Variants in TAOK3 observed in about 807,000 individuals in gnomAD.
TAOK3 encodes TAO kinase 3, also known as serine/threonine-protein kinase TAO3.
TAOK3 carries 40 observed loss-of-function variants against 120.4 expected under a neutral mutation model. The ratio of observed to expected loss-of-function variants is 0.33; its 90% CI spans 0.26 to 0.43. TAOK3 has a LOEUF of 0.43. Ranked by LOEUF, TAOK3 falls within the 20% of genes least tolerant of loss-of-function variation. TAOK3 has a pLI of 1.00. For synonymous variants in TAOK3, 355 were observed against 387.5 expected (o/e 0.92, Z 0.99); for missense variants, 821 against 1,112.1 (o/e 0.74, Z 3.72).
At chr12:118,315,140 A>T (rs2043406959) in intron 1 of TAOK3, among the ~76,000 whole-genome samples, 1 of 152,114 alleles carries the variant, frequency 6.6e-6, no homozygotes, top group African/African-American at 2.4e-5. Context: ...CATGTTGGTC[A>T]TGGTGAACTC....
chr12:118,230,489 T>TG (rs1354502826), intron 9 of TAOK3, among the ~76,000 whole-genome samples: 6 of 123,110 alleles, frequency 4.9e-5, no homozygotes, highest in African/African-American at 2.1e-4. Flanking sequence ...TTTTTTTTTT[T>TG]GAGACAGAGT....
chr12:118,239,359 G>A (rs2040146598), intron 5 of TAOK3, 87 bp from the exon 6 acceptor site: 2 of 725,904 alleles, frequency 2.8e-6, no homozygotes, highest in Admixed American at 2.6e-5. Flanking sequence ...AAGGAACTAA[G>A]AATACTAGGT....
chr12:118,203,217 T>A (rs1327253138), intron 11 of TAOK3, among the ~76,000 whole-genome samples: 1 of 152,116 alleles, frequency 6.6e-6, no homozygotes, highest in Non-Finnish European at 1.5e-5. Flanking sequence ...GTTGTTCAAT[T>A]TATCCAGAGG....
intron 9 of TAOK3, among the ~76,000 whole-genome samples, chr12:118,230,711 C>T (rs934751167): frequency 1.8e-4 from 28 of 152,024 alleles, no homozygotes; most frequent in Non-Finnish European, 3.4e-4. Context: ...CCTCGTGATC[C>T]GCCCGCCTCG....
At chr12:118,254,305 A>ACCAT (rs374028494) in intron 3 of TAOK3, among the ~76,000 whole-genome samples, 247 of 151,804 alleles carry the variant, frequency 1.6e-3, no homozygotes, top group East Asian at 9.9e-3. Context: ...CTGTCTATCC[A>ACCAT]CCATCCATCC....
At chr12:118,315,655 T>C (rs1302144959) in intron 1 of TAOK3, among the ~76,000 whole-genome samples, 2 of 152,188 alleles carry the variant, frequency 1.3e-5, no homozygotes, top group Non-Finnish European at 2.9e-5. Context: ...TTGGTTATAT[T>C]CTGCAAGTTT....
chr12:118,277,761 A>AC (rs2041954933), intron 1 of TAOK3, among the ~76,000 whole-genome samples: 1 of 151,962 alleles, frequency 6.6e-6, no homozygotes, highest in Non-Finnish European at 1.5e-5. Context: ...GCCTGGGCCC[A>AC]CCATGTATTT....
At chr12:118,219,259 G>T (rs753654760) in intron 9 of TAOK3, among the ~76,000 whole-genome samples, 2 of 151,952 alleles carry the variant, frequency 1.3e-5, no homozygotes, top group Non-Finnish European at 2.9e-5. Flanking sequence ...ATCTTTTTGT[G>T]TATGTGTGTG....
chr12:118,292,247 T>C (rs1013497979), intron 1 of TAOK3, among the ~76,000 whole-genome samples: 1 of 152,212 alleles, frequency 6.6e-6, no homozygotes. Context: ...ATCACTTACA[T>C]TGATTTATAG....
intron 12 of TAOK3, chr12:118,200,617 T>C (rs2037973238): frequency 6.6e-6 from 1 of 152,206 alleles, no homozygotes; most frequent in Admixed American, 6.5e-5. Context: ...TCTATCTGTA[T>C]ACTGGCAAGA....
chr12:118,252,901 A>G (rs1240093732), intron 3 of TAOK3, among the ~76,000 whole-genome samples: 1 of 151,512 alleles, frequency 6.6e-6, no homozygotes, highest in South Asian at 2.1e-4. Context: ...AAGTTTTTCT[A>G]TTTTTCAGTA....
chr12:118,238,822 A>G (rs1297209814), intron 6 of TAOK3, among the ~76,000 whole-genome samples: 1 of 151,900 alleles, frequency 6.6e-6, no homozygotes, highest in Admixed American at 6.6e-5. Context: ...TTTAAAGTAA[A>G]TTTTTAACAC....
At chr12:118,300,209 T>C (rs1229244381) in intron 1 of TAOK3, among the ~76,000 whole-genome samples, 1 of 152,146 alleles carries the variant, frequency 6.6e-6, no homozygotes, top group Non-Finnish European at 1.5e-5. Context: ...TACTCACGTG[T>C]TCATCTGAAA....
intron 14 of TAOK3, among the ~76,000 whole-genome samples, chr12:118,188,652 G>A (rs2037222833): frequency 6.6e-6 from 1 of 152,048 alleles, no homozygotes; most frequent in South Asian, 2.1e-4. Flanking sequence ...AAAGATAATC[G>A]AAGCCTTTAA....
chr12:118,243,832 A>G (rs2040359616), intron 4 of TAOK3, among the ~76,000 whole-genome samples: 1 of 152,020 alleles, frequency 6.6e-6, no homozygotes, highest in Admixed American at 6.5e-5. Context: ...GTGCACCACC[A>G]GACCAAACTA....
intron 9 of TAOK3, 99 bp from the exon 10 acceptor site, chr12:118,214,209 G>T: frequency 1.2e-6 from 1 of 848,504 alleles, no homozygotes; most frequent in Non-Finnish European, 1.9e-6. Context: ...TAAATCAATA[G>T]CTCATTACTG....
chr12:118,220,536 A>G (rs886549347), intron 9 of TAOK3, among the ~76,000 whole-genome samples: 1 of 152,050 alleles, frequency 6.6e-6, no homozygotes, highest in Non-Finnish European at 1.5e-5. Context: ...TACTGGCAAA[A>G]GGTTAAAAAA....
intron 1 of TAOK3, among the ~76,000 whole-genome samples, chr12:118,320,795 A>G (rs997716535): frequency 6.6e-6 from 1 of 152,226 alleles, no homozygotes. Flanking sequence ...TTAGAGTCAG[A>G]GTAGAATAAT....
intron 19 of TAOK3, 22 bp from the exon 20 acceptor site, chr12:118,152,431 A>G: frequency 6.3e-7 from 1 of 1,589,398 alleles, no homozygotes; most frequent in African/African-American, 1.3e-5. Context: ...GAAGACACAC[A>G]CGGTCATGCA....
Sources: gnomAD v4.1 joint callset for allele counts (sites outside exome capture counted in the v4.1 genomes callset) on GRCh38, gnomAD v4.1.1 for gene constraint, MANE v1.5 for transcripts, NCBI Gene and HGNC (gene_info 2026-07-23, HGNC 2026-07-21) for gene names.